Variants in NECAP1 observed in about 807,000 individuals in gnomAD.
NECAP1 encodes NECAP endocytosis associated 1, also known as adaptin ear-binding coat-associated protein 1.
NECAP1 carries 13 observed loss-of-function variants against 33.4 expected under a neutral mutation model. The observed-to-expected ratio is 0.39, with a 90% CI of 0.25 to 0.62. The LOEUF (loss-of-function observed/expected upper bound fraction) is 0.62. NECAP1 is among the 20% of genes least tolerant of loss of function. The pLI, the probability that NECAP1 is intolerant of heterozygous loss-of-function variation, is 0.52. For synonymous variants in NECAP1, 109 were observed against 125.2 expected (o/e 0.87, Z 0.86); for missense variants, 272 against 347.4 (o/e 0.78, Z 1.73).
chr12:8,085,686 C>CTTCTTTTTTTTTTTTTTTTTTTTTT (rs1947481617), intron 1 of NECAP1, among the ~76,000 whole-genome samples: 1 of 104,810 alleles, frequency 9.5e-6, no homozygotes. Flanking sequence ...ACTTAATCTT[C>CTTCTTTTTTTTTTTTTTTTTTTTTT]TTTTTTTTTT....
At chr12:8,085,218 C>G (rs773248458) in intron 1 of NECAP1, among the ~76,000 whole-genome samples, 1 of 152,308 alleles carries the variant, frequency 6.6e-6, no homozygotes, top group Non-Finnish European at 1.5e-5. Context: ...CGGGGTTTCA[C>G]TGTGTTGGCC....
At chr12:8,088,352 C>T (rs1305336669) in intron 1 of NECAP1, among the ~76,000 whole-genome samples, 1 of 152,160 alleles carries the variant, frequency 6.6e-6, no homozygotes, top group Non-Finnish European at 1.5e-5. Flanking sequence ...ACTCTTTGCT[C>T]AGGCTAAACA....
chr12:8,090,887 T>TG (rs1005089517), intron 3 of NECAP1: 1 of 153,738 alleles, frequency 6.5e-6, no homozygotes, highest in African/African-American at 2.4e-5. Context: ...ATCTTACGTG[T>TG]GGGGCAGTCA....
At chr12:8,083,030 T>C (rs913717914) in intron 1 of NECAP1, 1 of 152,350 alleles carries the variant, frequency 6.6e-6, no homozygotes, top group Non-Finnish European at 1.5e-5. Context: ...ATTTTCTTGA[T>C]GATTATATAG....
At position 8,096,538 on chromosome 12, in the gene NECAP1, A is replaced by C; in HGVS notation, c.*448A>C. Reference sequence around the variant, plus strand: ...AACCTTGCAACTTCCTTCTCCACTAACCCAGGACTAAAAATGGACAGGCTG... The same window carrying C: ...AACCTTGCAACTTCCTTCTCCACTACCCCAGGACTAAAAATGGACAGGCTG... On this transcript the variant is annotated 3_prime_UTR_variant, in exon 8 of 8. Coordinates refer to ENST00000339754, the MANE Select transcript of NECAP1 (RefSeq NM_015509.4). 6.5e-6 allele frequency: 1 copy of C among 155,000 alleles called. No homozygotes were observed. The highest frequency in any genetic ancestry group is 6.4e-5 in the Admixed American group (1 of 15,540). 9.6% of individuals were successfully genotyped at this position (155,000 alleles called of 1,614,324 possible). A position where few individuals can be genotyped will look rare whatever the true frequency, so the allele number is the denominator to read the frequency against.
intron 2 of NECAP1, 28 bp downstream of exon 2, chr12:8,090,064 T>C (rs1264114214): frequency 1.3e-6 from 2 of 1,593,360 alleles, no homozygotes; most frequent in African/African-American, 1.3e-5. Flanking sequence ...CCCTCTAACA[T>C]TAAGAATATT....
Position 8,082,774 on chromosome 12 carries a change from TCACACACACACA to T in NECAP1, c.95+423_95+434del, listed in dbSNP as rs58270520. On this transcript the variant is annotated intron_variant, in intron 1 of 7. Coordinates refer to ENST00000339754, the MANE Select transcript of NECAP1 (RefSeq NM_015509.4). ...CTCATCCTTTCTCTCTCTCTCTCTC[TCACACACACACA>T]CACACACACACACACACACACACAC... The T allele has an allele frequency of 1.3e-3, 191 of 141,716 alleles. 3 individuals carry two copies. The East Asian group carries it at 0.035, about 26-fold the overall frequency. The allele number at this position is 141,716 out of a possible 1,614,324, so 8.8% of individuals were successfully genotyped here. A position where few individuals can be genotyped will look rare whatever the true frequency, so the allele number is the denominator to read the frequency against.
Position 8,097,475 on chromosome 12 carries a change from G to A in NECAP1, c.*1385G>A, listed in dbSNP as rs1480373741. On this transcript the variant is annotated 3_prime_UTR_variant, in exon 8 of 8. Coordinates refer to ENST00000339754, the MANE Select transcript of NECAP1 (RefSeq NM_015509.4). ...TCTCTTCTTCACTTTTTCTGACTTT[G>A]GGTCCATTTTCTTTTCATTGCCTCC... 5 of 152,510 alleles carry A rather than the reference G, an allele frequency of 3.3e-5. No individual in the cohort carries two copies. Among genetic ancestry groups the A allele is most frequent in the Admixed American group, 6.6e-5 (1 of 15,254 alleles). 9.4% of individuals were successfully genotyped at this position (152,510 alleles called of 1,614,324 possible). A position where few individuals can be genotyped will look rare whatever the true frequency, so the allele number is the denominator to read the frequency against.
At position 8,082,307 on chromosome 12, in the gene NECAP1, T is replaced by C; in HGVS notation, c.19T>C (p.Tyr7His). 1 of 1,603,676 alleles carries C rather than the reference T, an allele frequency of 6.2e-7. No homozygotes were observed. The highest frequency in any genetic ancestry group is 1.3e-5 in the African/African-American group (1 of 74,868). The stretch of plus-strand genomic sequence containing the variant: ...ACCCAAGATGGCGACCGAGTTGGAG[T>C]ACGAGTCTGTGCTGTGTGTGAAGCC... MATELEYESVLCVKPDV... is the reference protein window; with the variant it reads MATELEHESVLCVKPDV... The change falls in exon 1 of 8, where the codon TAC becomes CAC. Residue 7 changes from tyrosine to histidine, a missense_variant. Physicochemically the swap from Tyr to His is moderately conservative, Grantham distance 83 (BLOSUM62 2). Transcript: ENST00000339754.
chr12:8,088,731 C>T (rs1292564312), intron 1 of NECAP1, among the ~76,000 whole-genome samples: 1 of 152,144 alleles, frequency 6.6e-6, no homozygotes, highest in Non-Finnish European at 1.5e-5. Context: ...CCACAAGGCC[C>T]TGCGTGATCT....
At chr12:8,085,333 A>G (rs1289701000) in intron 1 of NECAP1, among the ~76,000 whole-genome samples, 1 of 151,984 alleles carries the variant, frequency 6.6e-6, no homozygotes, top group African/African-American at 2.4e-5. Context: ...CAAGCTTTTT[A>G]AAACACCTCC....
Position 8,096,046 on chromosome 12 carries a change from G to A in NECAP1, c.784G>A (p.Val262Ile), listed in dbSNP as rs887183046. 1 of 1,614,024 alleles carries A rather than the reference G, an allele frequency of 6.2e-7. No individual in the cohort carries two copies. Among genetic ancestry groups the A allele is most frequent in the South Asian group, 1.1e-5 (1 of 91,084 alleles). Residue 262 changes from valine (V) to isoleucine (I), a missense_variant, in exon 8 of 8, where the codon GTT (valine) becomes ATT (isoleucine). By Grantham distance (29) the Val-to-Ile change is conservative. Transcript: ENST00000339754. ...WGDFSTASSSVPNQAPQPSNW... is the reference protein window; with the variant it reads ...WGDFSTASSSIPNQAPQPSNW... ...CTCTGTTCTCCTGTCTTGCAGCTCTGTTCCAAACCAGGCACCACAGCCATC... is the reference window on the plus strand; with the variant it reads ...CTCTGTTCTCCTGTCTTGCAGCTCTATTCCAAACCAGGCACCACAGCCATC...
At chr12:8,084,062 CT>C (rs1404396567) in intron 1 of NECAP1, among the ~76,000 whole-genome samples, 1 of 152,110 alleles carries the variant, frequency 6.6e-6, no homozygotes, top group African/African-American at 2.4e-5. Context: ...TCTTATTCTT[CT>C]CTCTGACCCA....
In NECAP1 at chr12:8,092,793, G is replaced by C. The variant is rs1411721239; in HGVS notation, c.492+9G>C. ...TCAAGTTGTGTATCGGGGTGAGTAT[G>C]GTTTTTAAAAATTTTGTTTTCCTGT... On this transcript the variant is annotated intron_variant, in intron 5 of 7. Transcript: ENST00000339754. 10 of 1,603,520 alleles carry C rather than the reference G, an allele frequency of 6.2e-6. No individual in the cohort carries two copies. Among genetic ancestry groups the C allele is most frequent in the East Asian group, 4.5e-5 (2 of 44,646 alleles).
At position 8,082,400 on chromosome 12, in the gene NECAP1, G is replaced by C; in HGVS notation, c.95+17G>C. 2 of 1,609,196 alleles carry C rather than the reference G, an allele frequency of 1.2e-6. No homozygotes were observed. Among genetic ancestry groups the C allele is most frequent in the Non-Finnish European group, 1.7e-6 (2 of 1,176,376 alleles). ...CGGTTACAGGTACTAACCCCGAGGC[G>C]CTGCCGCACACGCGTACTCTGTCGC... On this transcript the variant is annotated intron_variant, in intron 1 of 7. Coordinates refer to ENST00000339754, the MANE Select transcript of NECAP1 (RefSeq NM_015509.4).
intron 1 of NECAP1, among the ~76,000 whole-genome samples, chr12:8,085,956 C>T (rs1482756906): frequency 1.1e-4 from 16 of 152,130 alleles, no homozygotes; most frequent in African/African-American, 2.7e-4. Flanking sequence ...CCACCCACCT[C>T]AACCTCCCAA....
At chr12:8,085,241 A>G (rs1301379075) in intron 1 of NECAP1, among the ~76,000 whole-genome samples, 1 of 152,162 alleles carries the variant, frequency 6.6e-6, no homozygotes, top group African/African-American at 2.4e-5. Context: ...GCTGGTCTCA[A>G]ACTCTTGACC....
rs780181090 is a variant in NECAP1, at chr12:8,095,788, C to T, written c.779+85C>T. ...AATTGAAATCTTTGATCTGGAGAAG[C>T]AATGGATATGCAGGTCACATAGAGT... is the stretch of plus-strand genomic sequence containing the variant. On this transcript the variant is annotated intron_variant, in intron 7 of 7. Coordinates refer to ENST00000339754, the MANE Select transcript of NECAP1 (RefSeq NM_015509.4). 3.7e-6 allele frequency: 5 copies of T among 1,346,260 alleles called. No homozygotes were observed. In the African/African-American group the frequency reaches 7.2e-5, roughly 19 times the overall value. The allele number at this position is 1,346,260 out of a possible 1,614,324, so 83.4% of individuals were successfully genotyped here.
chr12:8,086,505 C>G (rs1368587666), intron 1 of NECAP1, among the ~76,000 whole-genome samples: 2 of 151,786 alleles, frequency 1.3e-5, no homozygotes, highest in Non-Finnish European at 2.9e-5. Flanking sequence ...TCCCAGCTAC[C>G]TGGGAGGCTG....
Sources: allele counts gnomAD v4.1 joint callset (sites outside exome capture counted in the v4.1 genomes callset), GRCh38; gene constraint gnomAD v4.1.1; transcripts MANE v1.5; gene names NCBI Gene and HGNC (gene_info 2026-07-23, HGNC 2026-07-21).